The following XPO7 variants were observed in gnomAD, a reference collection of about 807,000 sequenced individuals.
XPO7 encodes exportin 7, also known as exportin-7.
Under a neutral mutation model 144.3 loss-of-function variants are expected in XPO7, and 21 were observed. The ratio of observed to expected loss-of-function variants is 0.15; its 90% confidence interval spans 0.10 to 0.21. The LOEUF (loss-of-function observed/expected upper bound fraction) is 0.21. Among genes scored for constraint, XPO7 ranks in the 10% least tolerant of loss-of-function variants. The pLI, the probability that XPO7 is intolerant of heterozygous loss-of-function variation, is 1.00. For synonymous variants in XPO7, 580 were observed against 499.6 expected, an observed-to-expected ratio of 1.16 and a Z score of -2.15; for missense variants, 808 against 1,325.8, an observed-to-expected ratio of 0.61 and a Z score of 6.06.
At chr8:21,999,425 C>G (rs551362753) in intron 23 of XPO7, 111 bp from the exon 24 acceptor site, 4 of 1,569,146 alleles carry the variant, frequency 2.5e-6, no homozygotes, top group African/African-American at 2.8e-5. Flanking sequence ...TTTGCTCTAA[C>G]TAAGTCTTCT....
intron 1 of XPO7, among the ~76,000 whole-genome samples, chr8:21,964,787 C>T (rs1811832392): frequency 6.6e-6 from 1 of 152,182 alleles, no homozygotes; most frequent in Admixed American, 6.5e-5. Flanking sequence ...AAAAAGCCTA[C>T]CATAACCTGC....
chr8:21,955,125 A>G (rs963470473), intron 1 of XPO7, among the ~76,000 whole-genome samples: 3 of 152,236 alleles, frequency 2.0e-5, no homozygotes, highest in Admixed American at 1.3e-4. Context: ...TCTTTCTTCA[A>G]GTAATCTGCC....
At chr8:21,975,811 C>T (rs1812206004) in intron 6 of XPO7, among the ~76,000 whole-genome samples, 2 of 152,178 alleles carry the variant, frequency 1.3e-5, no homozygotes, top group African/African-American at 4.8e-5. Flanking sequence ...ATGGGACAGG[C>T]ACAGTAGCTA....
chr8:21,994,540 G>A lies in XPO7; in HGVS notation c.2237+89G>A, dbSNP rs1585478995. ...GGGTCCAGAGACGGTGTAGGGGGAAGGGAGGGTAGTGAGGCAGAGAAGATG... is the reference window on the plus strand; with the variant it reads ...GGGTCCAGAGACGGTGTAGGGGGAAAGGAGGGTAGTGAGGCAGAGAAGATG... On this transcript the variant is annotated intron_variant, in intron 20 of 27. Coordinates refer to ENST00000252512, the MANE Select transcript of XPO7 (RefSeq NM_015024.5). The A allele has an allele frequency of 8.0e-6, 10 of 1,246,670 alleles. No individual in the cohort carries two copies. In the East Asian group the frequency reaches 2.3e-4, roughly 29 times the overall value. The allele number at this position is 1,246,670 out of a possible 1,614,324, so 77.2% of individuals were successfully genotyped here.
chr8:22,003,440 C>T, intron 26 of XPO7, 123 bp downstream of exon 26: 1 of 701,256 alleles, frequency 1.4e-6, no homozygotes, highest in East Asian at 2.8e-5. Flanking sequence ...GAAAATGGGT[C>T]ATTTACTGAG....
intron 12 of XPO7, 74 bp downstream of exon 12, chr8:21,984,913 C>T: frequency 6.8e-7 from 1 of 1,475,124 alleles, no homozygotes; most frequent in South Asian, 1.3e-5. Context: ...TCATTGCCAC[C>T]TCTTTCCTAC....
Position 21,985,701 on chromosome 8 carries a change from C to T in XPO7, c.1577+10C>T. ...GTGAGCTTGTCTGTCGGTAAGTGCT[C>T]CCCACAGAAGCTCTCCACTCTGCCT... On this transcript the variant is annotated intron_variant, in intron 13 of 27. Coordinates refer to ENST00000252512, the MANE Select transcript of XPO7 (RefSeq NM_015024.5). 3 of 1,611,548 alleles carry T rather than the reference C, an allele frequency of 1.9e-6. No individual in the cohort carries two copies. The highest frequency in any genetic ancestry group is 2.5e-6 in the Non-Finnish European group (3 of 1,178,622).
chr8:21,975,562 G>A (rs1812199705), intron 6 of XPO7, among the ~76,000 whole-genome samples: 1 of 152,196 alleles, frequency 6.6e-6, no homozygotes, highest in South Asian at 2.1e-4. Context: ...TTGGAAGCCA[G>A]TTTGTATTCT....
At chr8:21,944,928 A>G (rs1811128290) in intron 1 of XPO7, among the ~76,000 whole-genome samples, 1 of 152,208 alleles carries the variant, frequency 6.6e-6, no homozygotes, top group African/African-American at 2.4e-5. Context: ...GATGGGGGTA[A>G]GGTTATAGAT....
Position 21,991,942 on chromosome 8 carries a change from A to G in XPO7, c.2116A>G (p.Ser706Gly). 2 of 1,613,706 alleles carry G rather than the reference A, an allele frequency of 1.2e-6. No homozygotes were observed. Among genetic ancestry groups the G allele is most frequent in the Non-Finnish European group, 1.7e-6 (2 of 1,179,832 alleles). ...AAFEAVAQMFSTNSFNEQEAK... is the reference protein window; with the variant it reads ...AAFEAVAQMFGTNSFNEQEAK... ...ATTTGAGGCTGTGGCCCAGATGTTT[A>G]GCACCAATAGTTTCAACGAGCAGGA... is the stretch of plus-strand genomic sequence containing the variant. Residue 706 changes from serine to glycine, a missense_variant, in exon 19 of 28, where the codon AGC (serine) becomes GGC (glycine). Physicochemically the swap from Ser to Gly is moderately conservative, Grantham distance 56 (BLOSUM62 0). Coordinates refer to ENST00000252512, the MANE Select transcript of XPO7 (RefSeq NM_015024.5).
intron 1 of XPO7, among the ~76,000 whole-genome samples, chr8:21,947,720 G>T (rs1007628934): frequency 6.6e-6 from 1 of 152,308 alleles, no homozygotes; most frequent in Non-Finnish European, 1.5e-5. Flanking sequence ...AAATTAGGCT[G>T]TGTTAAAATT....
In XPO7 at chr8:21,997,567, G is replaced by C. The variant is rs141500404; in HGVS notation, c.2346-1188G>C. On this transcript the variant is annotated intron_variant, in intron 21 of 27. Transcript: ENST00000252512. ...GACTTGTGGCAGGAGCCTGGTTGGT[G>C]GGGGGAGGCTGTGGGAGCAGGTCAG... Among the ~76,000 whole-genome samples, 73 of 152,316 alleles carry C rather than the reference G, an allele frequency of 4.8e-4. 1 individual carries two copies. Among genetic ancestry groups the C allele is most frequent in the African/African-American group, 1.5e-3 (62 of 41,564 alleles).
intron 15 of XPO7, chr8:21,988,715 T>C (rs1812660332): frequency 2.6e-6 from 1 of 391,696 alleles, no homozygotes; most frequent in Non-Finnish European, 4.7e-6. Flanking sequence ...CTCTTACCCT[T>C]GCTGCAGAAA....
chr8:21,987,543 TAATA>T (rs1812621091), intron 14 of XPO7, among the ~76,000 whole-genome samples: 1 of 152,210 alleles, frequency 6.6e-6, no homozygotes, highest in Non-Finnish European at 1.5e-5. Context: ...ATGCATGAAT[TAATA>T]TTCAGAACAG....
chr8:21,994,057 TTATCAGCCTC>T (rs1411726087), intron 19 of XPO7, among the ~76,000 whole-genome samples: 9 of 148,766 alleles, frequency 6.0e-5, no homozygotes, highest in Non-Finnish European at 3.0e-5. Flanking sequence ...TCTTAAAACC[TTATCAGCCTC>T]TATTTTTGCT....
chr8:21,969,312 T>G (rs997024619), intron 2 of XPO7, among the ~76,000 whole-genome samples, 171 bp from the exon 3 acceptor site: 1 of 98,508 alleles, frequency 1.0e-5, no homozygotes, highest in Non-Finnish European at 1.9e-5. Context: ...AATAAACTTA[T>G]GCTATGTGGT....
rs770959800 is a variant in XPO7, at chr8:21,976,571, GTGTC to G, written c.763+54_763+57del. On this transcript the variant is annotated intron_variant, in intron 7 of 27. Coordinates refer to ENST00000252512, the MANE Select transcript of XPO7 (RefSeq NM_015024.5). Reference sequence around the variant, plus strand: ...AGGCTGTCTGTCACTCCCCTACAGAGTGTCTGTAGAATGATCTAAAGAACTCCTG... The same window carrying G: ...AGGCTGTCTGTCACTCCCCTACAGAGTGTAGAATGATCTAAAGAACTCCTG... 4.5e-6 allele frequency: 7 copies of G among 1,552,544 alleles called. No homozygotes were observed. In the African/African-American group the frequency reaches 9.6e-5, roughly 21 times the overall value.
chr8:21,979,999 G>C, intron 8 of XPO7, 85 bp from the exon 9 acceptor site: 1 of 1,371,746 alleles, frequency 7.3e-7, no homozygotes, highest in Non-Finnish European at 9.6e-7. Context: ...CCTAAAGAAG[G>C]ATATTGTAGG....
At position 21,977,850 on chromosome 8, in the gene XPO7, C is replaced by G. The variant is rs780818123; in HGVS notation, c.837+7C>G. ...TCCTTCATTTTCACCTCTGGTGAGTCAGGACTACCGTTTCTTAAAGCAAAC... is the reference window on the plus strand; with the variant it reads ...TCCTTCATTTTCACCTCTGGTGAGTGAGGACTACCGTTTCTTAAAGCAAAC... On this transcript the variant is annotated splice_region_variant and intron_variant, in intron 8 of 27. Coordinates refer to ENST00000252512, the MANE Select transcript of XPO7 (RefSeq NM_015024.5). 9.3e-6 allele frequency: 15 copies of G among 1,612,114 alleles called. No individual in the cohort carries two copies. Among genetic ancestry groups the G allele is most frequent in the Non-Finnish European group, 1.2e-5 (14 of 1,178,472 alleles).
Sources: allele counts gnomAD v4.1 joint callset (sites outside exome capture counted in the v4.1 genomes callset), GRCh38; gene constraint gnomAD v4.1.1; transcripts MANE v1.5; gene names NCBI Gene and HGNC (gene_info 2026-07-23, HGNC 2026-07-21).